The following SLC2A5 variants were observed in gnomAD, a reference collection of about 807,000 sequenced individuals.
The protein encoded by SLC2A5 is solute carrier family 2, facilitated glucose transporter member 5.
Under a neutral mutation model 50.3 loss-of-function variants are expected in SLC2A5, and 56 were observed. The observed-to-expected ratio is 1.11, with a 90% CI of 0.90 to 1.39. SLC2A5 has a LOEUF of 1.39. Ranked by LOEUF, SLC2A5 falls within the 40% of genes most tolerant of loss-of-function variation. SLC2A5 has a pLI of 0.00. For missense variants in SLC2A5, 566 were observed against 650.1 expected, an observed-to-expected ratio of 0.87 and a Z score of 1.41; for synonymous variants, 269 against 281.9, an observed-to-expected ratio of 0.95 and a Z score of 0.46.
In SLC2A5 at chr1:9,039,622, A is replaced by C. The variant is rs747715661; in HGVS notation, c.926T>G (p.Val309Gly). The change falls in exon 8 of 12, where the codon GTG (valine) becomes GGG (glycine). Residue 309 changes from valine to glycine, a missense_variant. Physicochemically the swap from Val to Gly is moderately radical, Grantham distance 109. Coordinates refer to ENST00000377424, the MANE Select transcript of SLC2A5 (RefSeq NM_003039.3). ...CACGTACTGCACGTGCTCCTCCGGC[A>C]CGCCGGCGCTCAGGTAGATCTGGTC... ...YADQIYLSAG[V>G]PEEHVQYVTA... 1.3e-6 allele frequency: 2 copies of C among 1,567,146 alleles called. No homozygotes were observed. Among genetic ancestry groups the C allele is most frequent in the East Asian group, 4.8e-5 (2 of 41,698 alleles).
At chr1:9,055,468 G>A (rs986402827) in intron 3 of SLC2A5, among the ~76,000 whole-genome samples, 3 of 151,988 alleles carry the variant, frequency 2.0e-5, no homozygotes, top group Admixed American at 6.6e-5. Context: ...AGTGTGCTGA[G>A]ATCACACCAT....
At chr1:9,070,075 T>TG (rs1429777330), upstream of SLC2A5, among the ~76,000 whole-genome samples, 13 of 120,976 alleles carry the variant, frequency 1.1e-4, no homozygotes, top group South Asian at 6.2e-4. Flanking sequence ...ATTTTCTGTT[T>TG]TTTTTTTTTT....
chr1:9,047,867 G>T, intron 3 of SLC2A5, 133 bp from the exon 4 acceptor site: 1 of 911,592 alleles, frequency 1.1e-6, no homozygotes, highest in Admixed American at 2.4e-5. Context: ...TAGCTCTCTG[G>T]GACCTGAGAC....
intron 1 of SLC2A5, among the ~76,000 whole-genome samples, chr1:9,066,176 T>A (rs1642077171): frequency 6.6e-6 from 1 of 152,192 alleles, no homozygotes; most frequent in Non-Finnish European, 1.5e-5. Flanking sequence ...TGTGTCTTTA[T>A]TTTCCAAAGC....
In SLC2A5 at chr1:9,038,899, G is replaced by A. The variant is rs1641214959; in HGVS notation, c.1027C>T (p.Leu343=). The A allele has an allele frequency of 6.2e-7, 1 of 1,612,560 alleles. No individual in the cohort carries two copies. ...ATGGAGAAGCCCAGCAGCAGCAGCA[G>A]CCTCCGACCCAGGAGCTCCACCACG... ...VFVVELLGRR[L]LLLLGFSICL... Residue 343 remains leucine (L), a synonymous_variant, in exon 9 of 12, where the codon CTG becomes TTG. Coordinates refer to ENST00000377424, the MANE Select transcript of SLC2A5 (RefSeq NM_003039.3).
At chr1:9,064,784 G>C (rs1385718938) in intron 1 of SLC2A5, among the ~76,000 whole-genome samples, 1 of 152,140 alleles carries the variant, frequency 6.6e-6, no homozygotes, top group Non-Finnish European at 1.5e-5. Flanking sequence ...AGGCGCGGTG[G>C]CTCACACCTG....
chr1:9,084,827 G>A (rs565867299), intron 2 of SLC2A5, among the ~76,000 whole-genome samples: 15 of 152,340 alleles, frequency 9.8e-5, no homozygotes, highest in African/African-American at 3.4e-4. Flanking sequence ...CTGGGAGCTG[G>A]TTAGAAAAAT....
chr1:9,038,377 G>C, intron 10 of SLC2A5, 54 bp downstream of exon 10: 20 of 1,332,022 alleles, frequency 1.5e-5, no homozygotes, highest in Non-Finnish European at 1.7e-5. Context: ...CCAGCCCGGA[G>C]CTTCTGGGAC....
chr1:9,059,589 G>C (rs1228372444), intron 1 of SLC2A5, among the ~76,000 whole-genome samples: 1 of 141,634 alleles, frequency 7.1e-6, no homozygotes, highest in East Asian at 2.2e-4. Context: ...GAGTGCTGTG[G>C]TGCTATTATA....
intron 2 of SLC2A5, 141 bp from the exon 3 acceptor site, chr1:9,057,749 C>T: frequency 2.8e-6 from 2 of 721,392 alleles, no homozygotes; most frequent in Admixed American, 5.6e-5. Context: ...GGAGGCAGGA[C>T]AGAGCTTCAG....
chr1:9,053,056 T>TTATATATTAATATATA (rs1641619686), intron 3 of SLC2A5, among the ~76,000 whole-genome samples: 1 of 95,100 alleles, frequency 1.1e-5, no homozygotes, highest in African/African-American at 4.8e-5. Flanking sequence ...TATTAATATA[T>TTATATATTAATATATA]AATATATATT....
intron 8 of SLC2A5, 75 bp downstream of exon 8, chr1:9,039,477 T>A (rs1252594005): frequency 9.0e-7 from 1 of 1,115,128 alleles, no homozygotes; most frequent in Non-Finnish European, 1.3e-6. Context: ...GCTGCCCTTT[T>A]GGCGGCGCCG....
chr1:9,057,802 C>T (rs1641801388), intron 2 of SLC2A5, among the ~76,000 whole-genome samples, 194 bp from the exon 3 acceptor site: 1 of 152,140 alleles, frequency 6.6e-6, no homozygotes, highest in Non-Finnish European at 1.5e-5. Flanking sequence ...GGCTGGGAAG[C>T]CTCTCAGCAG....
intron 2 of SLC2A5, among the ~76,000 whole-genome samples, chr1:9,078,039 G>A (rs1169563888): frequency 1.3e-5 from 2 of 152,184 alleles, no homozygotes; most frequent in Non-Finnish European, 1.5e-5. Flanking sequence ...TGCTAAACAA[G>A]GGGAGGATTA....
chr1:9,079,923 G>A (rs1338088473), intron 2 of SLC2A5, among the ~76,000 whole-genome samples: 2 of 152,128 alleles, frequency 1.3e-5, no homozygotes, highest in East Asian at 3.8e-4. Flanking sequence ...TTTTCATCTT[G>A]CAAAACTGAA....
At position 9,063,024 on chromosome 1, in the gene SLC2A5, T is replaced by G. The variant is rs77788111; in HGVS notation, c.34-4774A>C. ...GGTTAAAAGTACCAGCTTTGAGGAC[T>G]ACTGAGGATGCAAATTAAAAAGACT... On this transcript the variant is annotated intron_variant, in intron 1 of 11. Transcript: ENST00000377424. 2.9e-3 allele frequency among the ~76,000 whole-genome samples: 443 copies of G among 152,278 alleles called. 3 individuals carry two copies. Among genetic ancestry groups the G allele is most frequent in the African/African-American group, 0.01 (431 of 41,552 alleles).
At chr1:9,063,680 A>ATTTTT (rs1642003671) in intron 1 of SLC2A5, among the ~76,000 whole-genome samples, 1 of 51,204 alleles carries the variant, frequency 2.0e-5, no homozygotes, top group African/African-American at 7.6e-5. Context: ...GCTATTATTT[A>ATTTTT]CTTTTTTTTT....
Position 9,041,852 on chromosome 1 carries a change from G to A in SLC2A5, c.504C>T (p.Leu168=). The A allele has an allele frequency of 6.2e-7, 1 of 1,614,076 alleles. No homozygotes were observed. The highest frequency in any genetic ancestry group is 8.5e-7 in the Non-Finnish European group (1 of 1,180,018). Residue 168 remains leucine (L), a synonymous_variant, in exon 5 of 12, where the codon CTC becomes CTT. Coordinates refer to ENST00000377424, the MANE Select transcript of SLC2A5 (RefSeq NM_003039.3). ...CCACAAGGATGCCAACAGTGATGAA[G>A]AGCTGGGGCACCACCCCGAGAGCCC... ...LRGALGVVPQ[L]FITVGILVAQ... is the part of the protein sequence containing the mutation.
intron 9 of SLC2A5, 128 bp from the exon 10 acceptor site, chr1:9,038,634 A>G: frequency 1.6e-6 from 2 of 1,227,386 alleles, no homozygotes; most frequent in Non-Finnish European, 2.3e-6. Context: ...CACCTCGATG[A>G]GCCACTGGGA....
Sources: gnomAD v4.1 joint callset for allele counts (sites outside exome capture counted in the v4.1 genomes callset) on GRCh38, gnomAD v4.1.1 for gene constraint, MANE v1.5 for transcripts, NCBI Gene and HGNC (gene_info 2026-07-23, HGNC 2026-07-21) for gene names.